PLXNA4: variants seen among roughly 807,000 people sequenced by gnomAD.
PLXNA4 encodes the protein plexin A4.
PLXNA4 carries 44 observed loss-of-function variants against 191.8 expected under a neutral mutation model. That is an observed-to-expected ratio of 0.23 (90% CI 0.18 to 0.29). The LOEUF is 0.29. Ranked by LOEUF, PLXNA4 falls within the 10% of genes least tolerant of loss-of-function variation. The probability of loss-of-function intolerance (pLI) is 1.00; values close to 1 mark genes in which losing one functional copy is unlikely to be tolerated. For synonymous variants in PLXNA4, 1,082 were observed against 1,009.5 expected, an observed-to-expected ratio of 1.07 and a Z score of -1.36; for missense variants, 1,800 against 2,488.8, an observed-to-expected ratio of 0.72 and a Z score of 5.89.
At position 132,125,617 on chromosome 7, in the gene PLXNA4, T is replaced by C. The variant is rs1418055383; in HGVS notation, c.*4862A>G. The stretch of plus-strand genomic sequence containing the variant: ...AATGGCCCACAGTTTTGTTTTGTTT[T>C]GTTTTTTTTAAAGGAAGAGGCTGAG... On this transcript the variant is annotated 3_prime_UTR_variant, in exon 32 of 32. Coordinates refer to ENST00000321063, the MANE Select transcript of PLXNA4 (RefSeq NM_020911.2). The C allele has an allele frequency of 6.6e-6, 1 of 151,950 alleles. No individual in the cohort carries two copies. Among genetic ancestry groups the C allele is most frequent in the Non-Finnish European group, 1.5e-5 (1 of 68,018 alleles). The allele number at this position is 151,950 out of a possible 1,614,324, so 9.4% of individuals were successfully genotyped here.
intron 25 of PLXNA4, among the ~76,000 whole-genome samples, chr7:132,152,323 A>G (rs960250295): frequency 6.6e-6 from 1 of 152,106 alleles, no homozygotes; most frequent in Non-Finnish European, 1.5e-5. Flanking sequence ...TCAGCTGAGG[A>G]TGAGACAGCC....
intron 4 of PLXNA4, among the ~76,000 whole-genome samples, chr7:132,272,070 G>A (rs936032001): frequency 1.3e-5 from 2 of 152,174 alleles, no homozygotes; most frequent in African/African-American, 4.8e-5. Flanking sequence ...AAACACATGA[G>A]GGTTTAGGTA....
At chr7:132,206,746 C>T (rs984014369) in intron 10 of PLXNA4, among the ~76,000 whole-genome samples, 1 of 152,156 alleles carries the variant, frequency 6.6e-6, no homozygotes, top group Non-Finnish European at 1.5e-5. Flanking sequence ...GATGGAGCCT[C>T]TCTGCCTCTG....
intron 3 of PLXNA4, among the ~76,000 whole-genome samples, chr7:132,390,341 C>G (rs936004960): frequency 1.3e-5 from 2 of 152,102 alleles, no homozygotes; most frequent in African/African-American, 4.8e-5. Flanking sequence ...ACTGCACGTT[C>G]TCACTCCTAA....
intron 1 of PLXNA4, among the ~76,000 whole-genome samples, chr7:132,510,042 A>T (rs1445010077): frequency 6.6e-6 from 1 of 152,194 alleles, no homozygotes; most frequent in Non-Finnish European, 1.5e-5. Context: ...GAGGAACAAG[A>T]TCACTCCCCA....
At chr7:132,583,786 C>T (rs141190783) in intron 2 of PLXNA4, among the ~76,000 whole-genome samples, 13 of 152,288 alleles carry the variant, frequency 8.5e-5, no homozygotes, top group South Asian at 6.2e-4. Context: ...TCCTAACGCA[C>T]GCCTGCTGAC....
intron 3 of PLXNA4, among the ~76,000 whole-genome samples, chr7:132,357,154 T>C (rs192407595): frequency 3.2e-3 from 485 of 152,264 alleles, no homozygotes; most frequent in Non-Finnish European, 5.1e-3. Context: ...AGAGACACCA[T>C]CTTCATCTAA....
At chr7:132,164,894 C>T (rs943327013) in intron 23 of PLXNA4, among the ~76,000 whole-genome samples, 5 of 152,216 alleles carry the variant, frequency 3.3e-5, no homozygotes, top group Admixed American at 6.5e-5. Context: ...CCTCTCAGGG[C>T]TCATCTATCC....
intron 3 of PLXNA4, among the ~76,000 whole-genome samples, chr7:132,322,184 C>CTGTTTTTTTTTTTTTTTT (rs376377991): frequency 8.2e-6 from 1 of 122,520 alleles, no homozygotes; most frequent in African/African-American, 3.0e-5. Context: ...CCTAAAAGGG[C>CTGTTTTTTTTTTTTTTTT]TTTTTTTTTT....
chr7:132,403,676 G>A (rs1794090067), intron 3 of PLXNA4, among the ~76,000 whole-genome samples: 1 of 152,120 alleles, frequency 6.6e-6, no homozygotes, highest in Non-Finnish European at 1.5e-5. Context: ...CCACCCCATG[G>A]GAAGTGATGA....
intron 30 of PLXNA4, among the ~76,000 whole-genome samples, chr7:132,137,710 AGATGGTGGGAGGGAGGACAGGTAG>A (rs1795153053): frequency 7.3e-6 from 1 of 136,538 alleles, no homozygotes; most frequent in South Asian, 2.8e-4. Context: ...ATGGGTGGGG[AGATGGTGGGAGGGAGGACAGGTAG>A]GAGGATGGGT....
chr7:132,362,394 G>A (rs1270495559), intron 3 of PLXNA4, among the ~76,000 whole-genome samples: 3 of 152,204 alleles, frequency 2.0e-5, no homozygotes, highest in South Asian at 4.1e-4. Context: ...TCTCCAAAGA[G>A]GAACACACGC....
At chr7:132,475,297 T>A (rs76800724) in intron 3 of PLXNA4, among the ~76,000 whole-genome samples, 1 of 152,048 alleles carries the variant, frequency 6.6e-6, no homozygotes, top group East Asian at 1.9e-4. Context: ...CACATTGATT[T>A]CCCATTTTCA....
chr7:132,293,878 C>T (rs968906163), intron 4 of PLXNA4, among the ~76,000 whole-genome samples: 12 of 152,154 alleles, frequency 7.9e-5, no homozygotes, highest in African/African-American at 2.9e-4. Flanking sequence ...TAGGAGCAAC[C>T]AGAGCACCAA....
intron 2 of PLXNA4, among the ~76,000 whole-genome samples, chr7:132,642,912 T>C (rs1230601615): frequency 1.3e-5 from 2 of 152,332 alleles, no homozygotes; most frequent in African/African-American, 4.8e-5. Context: ...GTGAGTATGA[T>C]ACGATATAAT....
intron 3 of PLXNA4, among the ~76,000 whole-genome samples, chr7:132,318,546 A>T (rs1200600631): frequency 6.6e-6 from 1 of 152,074 alleles, no homozygotes; most frequent in African/African-American, 2.4e-5. Flanking sequence ...CACCCCCTGC[A>T]GAATGAGCGT....
At chr7:132,612,324 G>A (rs1019920845) in intron 2 of PLXNA4, among the ~76,000 whole-genome samples, 3 of 152,128 alleles carry the variant, frequency 2.0e-5, no homozygotes, top group African/African-American at 7.2e-5. Flanking sequence ...TGTAGCACCT[G>A]GCAGTCTCTG....
At chr7:132,481,870 C>A (rs1301749084) in intron 3 of PLXNA4, among the ~76,000 whole-genome samples, 2 of 152,238 alleles carry the variant, frequency 1.3e-5, no homozygotes, top group Non-Finnish European at 2.9e-5. Context: ...GAGGAAGTTT[C>A]CTCACCCCTG....
At chr7:132,268,347 T>C (rs1403416614) in intron 4 of PLXNA4, among the ~76,000 whole-genome samples, 1 of 152,222 alleles carries the variant, frequency 6.6e-6, no homozygotes, top group Non-Finnish European at 1.5e-5. Flanking sequence ...TACAGCACCA[T>C]GGAAATACCA....
Sources: gnomAD v4.1 joint callset for allele counts (sites outside exome capture counted in the v4.1 genomes callset) on GRCh38, gnomAD v4.1.1 for gene constraint, MANE v1.5 for transcripts, NCBI Gene and HGNC (gene_info 2026-07-23, HGNC 2026-07-21) for gene names.